The following FRMPD1 variants were observed in gnomAD, a reference collection of about 807,000 sequenced individuals.
The protein encoded by FRMPD1 is FERM and PDZ domain-containing protein 1.
In FRMPD1, 76 loss-of-function variants were observed where a neutral mutation model predicts 117.8. The observed-to-expected ratio is 0.65, with a 90% confidence interval of 0.54 to 0.78. The LOEUF (loss-of-function observed/expected upper bound fraction) is 0.78, where lower values mean the gene tolerates loss of function less well. FRMPD1 is among the 30% of genes least tolerant of loss of function. FRMPD1 has a pLI of 0.00. For synonymous variants in FRMPD1, 783 were observed against 770.4 expected, an observed-to-expected ratio of 1.02 and a Z score of -0.27; for missense variants, 1,786 against 1,964.5, an observed-to-expected ratio of 0.91 and a Z score of 1.72.
the FRMPD1 span, among the ~76,000 whole-genome samples, chr9:37,611,520 C>T: frequency 6.6e-6 from 1 of 152,102 alleles, no homozygotes; most frequent in Admixed American, 6.6e-5. Context: ...ATGTCTTGTG[C>T]ATTTACAATA....
chr9:37,737,164 G>T lies in FRMPD1; in HGVS notation c.1470G>T (p.Arg490Ser). Reference sequence around the variant, plus strand: ...CCTGCCTGATTGCTGGGTACTACAGGCTGTTGGTTGACCCAGTTACCTCCA... The same window carrying T: ...CCTGCCTGATTGCTGGGTACTACAGTCTGTTGGTTGACCCAGTTACCTCCA... ...DLACLIAGYY[R>S]LLVDPVTSIF... Residue 490 changes from arginine to serine, a missense_variant, in exon 14 of 16, where the codon AGG (arginine) becomes AGT (serine). Physicochemically the swap from Arg to Ser is moderately radical, Grantham distance 110 (BLOSUM62 -1). Coordinates refer to ENST00000377765, the MANE Select transcript of FRMPD1 (RefSeq NM_014907.3). The T allele has an allele frequency of 6.2e-7, 1 of 1,613,416 alleles. No homozygotes were observed. Among genetic ancestry groups the T allele is most frequent in the Non-Finnish European group, 8.5e-7 (1 of 1,179,360 alleles).
intron 1 of FRMPD1, among the ~76,000 whole-genome samples, chr9:37,675,361 C>T (rs528274114): frequency 1.3e-5 from 2 of 149,482 alleles, no homozygotes; most frequent in Admixed American, 6.7e-5. Flanking sequence ...ATGGAGGTTG[C>T]GGAGAGGCGA....
chr9:37,707,602 A>G (rs1278218128), intron 3 of FRMPD1, 29 bp downstream of exon 3: 2 of 1,599,882 alleles, frequency 1.3e-6, no homozygotes, highest in Non-Finnish European at 8.6e-7. Context: ...ATGAGAAAGG[A>G]GTTTGGTTTC....
chr9:37,722,125 C>T (rs973734099), intron 6 of FRMPD1, among the ~76,000 whole-genome samples: 14 of 152,128 alleles, frequency 9.2e-5, no homozygotes, highest in African/African-American at 2.9e-4. Context: ...GCAGAGTAAG[C>T]GGTCTGAAAT....
chr9:37,713,526 G>T (rs10973503), intron 5 of FRMPD1, among the ~76,000 whole-genome samples: 28,046 of 151,840 alleles, frequency 0.18, 3,094 homozygotes, highest in Non-Finnish European at 0.25. Flanking sequence ...GGAAGTCGAG[G>T]CTGCAGTGAG....
Position 37,692,798 on chromosome 9 carries a change from G to A in FRMPD1, c.101+56G>A. 12 of 1,257,592 alleles carry A rather than the reference G, an allele frequency of 9.5e-6. No individual in the cohort carries two copies. The South Asian group carries it at 1.3e-4, about 14-fold the overall frequency. The allele number at this position is 1,257,592 out of a possible 1,614,324, so 77.9% of individuals were successfully genotyped here. ...TATAAAGGTCTGGTGTCCCGGGGGAGGAGCTTGTGCTGGTCCTGGCCGCAC... is the reference window on the plus strand; with the variant it reads ...TATAAAGGTCTGGTGTCCCGGGGGAAGAGCTTGTGCTGGTCCTGGCCGCAC... On this transcript the variant is annotated intron_variant, in intron 2 of 15. Coordinates refer to ENST00000377765, the MANE Select transcript of FRMPD1 (RefSeq NM_014907.3).
intron 7 of FRMPD1, among the ~76,000 whole-genome samples, chr9:37,728,500 G>A (rs371803277): frequency 2.6e-5 from 4 of 152,300 alleles, no homozygotes; most frequent in South Asian, 4.1e-4. Flanking sequence ...CGAATGCTTC[G>A]AGGCAGCAAA....
Position 37,672,691 on chromosome 9 carries a change from C to T in FRMPD1, c.-4-19947C>T, listed in dbSNP as rs141319126. Among the ~76,000 whole-genome samples the T allele has an allele frequency of 5.8e-3, 887 of 152,124 alleles. 32 individuals are homozygous for T. Among genetic ancestry groups the T allele is most frequent in the Admixed American group, 0.052 (787 of 15,276 alleles). The stretch of plus-strand genomic sequence containing the variant: ...TTCACCCTGCTGATAAAGACATACC[C>T]GAGACTGGGAAGAAAAAGAGGTTTA... On this transcript the variant is annotated intron_variant, in intron 1 of 15. Transcript: ENST00000377765.
chr9:37,693,414 C>G (rs1315070110), intron 2 of FRMPD1: 1 of 152,230 alleles, frequency 6.6e-6, no homozygotes, highest in Non-Finnish European at 1.5e-5. Flanking sequence ...TCAGGTGTTT[C>G]TGAGACACAC....
intron 9 of FRMPD1, among the ~76,000 whole-genome samples, chr9:37,731,751 C>T (rs1201021446): frequency 6.6e-6 from 1 of 152,016 alleles, no homozygotes; most frequent in East Asian, 1.9e-4. Flanking sequence ...CACACACCTA[C>T]AGTTCCAGCT....
At chr9:37,720,718 C>G (rs373116765) in intron 6 of FRMPD1, among the ~76,000 whole-genome samples, 1 of 151,130 alleles carries the variant, frequency 6.6e-6, no homozygotes, top group Non-Finnish European at 1.5e-5. Context: ...GAAACCACAT[C>G]TCTACTAAAA....
At chr9:37,712,999 A>T (rs1298107623) in intron 5 of FRMPD1, among the ~76,000 whole-genome samples, 1 of 151,968 alleles carries the variant, frequency 6.6e-6, no homozygotes, top group African/African-American at 2.4e-5. Flanking sequence ...ATAAAAAAAT[A>T]ACATAAAAGG....
upstream of FRMPD1, among the ~76,000 whole-genome samples, chr9:37,649,359 A>G (rs1018420212): frequency 6.6e-6 from 1 of 152,248 alleles, no homozygotes; most frequent in African/African-American, 2.4e-5. Flanking sequence ...CTATGGCTTC[A>G]GAATCTTCCA....
the FRMPD1 span, among the ~76,000 whole-genome samples, chr9:37,607,560 G>C: frequency 6.6e-6 from 1 of 152,152 alleles, no homozygotes; most frequent in Non-Finnish European, 1.5e-5. Context: ...CATCAAACAA[G>C]GTCTGTGATT....
At chr9:37,717,649 G>A (rs1402774797) in intron 5 of FRMPD1, among the ~76,000 whole-genome samples, 1 of 152,050 alleles carries the variant, frequency 6.6e-6, no homozygotes, top group Non-Finnish European at 1.5e-5. Flanking sequence ...CAAAGCGCTG[G>A]GATTACAGGC....
chr9:37,741,450 G>GACACACAC (rs56971939), intron 15 of FRMPD1, among the ~76,000 whole-genome samples: 382 of 135,728 alleles, frequency 2.8e-3, no homozygotes, highest in African/African-American at 3.2e-3. Flanking sequence ...ATCCTGGCAG[G>GACACACAC]ACACACACAC....
rs549565729 is a variant in FRMPD1, at chr9:37,735,816, A to G, written c.1401+82A>G. The G allele has an allele frequency of 3.8e-5, 34 of 886,578 alleles. No homozygotes were observed. The Admixed American group carries it at 8.1e-4, about 21-fold the overall frequency. The allele number at this position is 886,578 out of a possible 1,614,324, so 54.9% of individuals were successfully genotyped here. ...GGCCAGGCTAGTTTATATGAATTTTAAATAATAATAAAGTCTAATGTCCAA... is the reference window on the plus strand; with the variant it reads ...GGCCAGGCTAGTTTATATGAATTTTGAATAATAATAAAGTCTAATGTCCAA... On this transcript the variant is annotated intron_variant, in intron 13 of 15. Coordinates refer to ENST00000377765, the MANE Select transcript of FRMPD1 (RefSeq NM_014907.3).
chr9:37,732,167 C>A, intron 9 of FRMPD1, 137 bp from the exon 10 acceptor site: 1 of 821,390 alleles, frequency 1.2e-6, no homozygotes, highest in Non-Finnish European at 1.9e-6. Context: ...GTAACTTAAC[C>A]AAGGTCACAC....
intron 1 of FRMPD1, among the ~76,000 whole-genome samples, chr9:37,656,869 C>T (rs1820858853): frequency 6.6e-6 from 1 of 151,246 alleles, no homozygotes; most frequent in Admixed American, 6.6e-5. Context: ...TTTGGGCCAC[C>T]AATCCTTTCC....
Sources: gnomAD v4.1 joint callset for allele counts (sites outside exome capture counted in the v4.1 genomes callset) on GRCh38, gnomAD v4.1.1 for gene constraint, MANE v1.5 for transcripts, NCBI Gene and HGNC (gene_info 2026-07-23, HGNC 2026-07-21) for gene names.